KCNH1: variants seen among roughly 807,000 people sequenced by gnomAD.
KCNH1 encodes voltage-gated delayed rectifier potassium channel KCNH1.
KCNH1 carries 27 observed loss-of-function variants against 69.2 expected under a neutral mutation model. The ratio of observed to expected loss-of-function variants is 0.39; its 90% CI spans 0.29 to 0.54. The LOEUF (loss-of-function observed/expected upper bound fraction) is 0.54, where lower values mean the gene tolerates loss of function less well. Ranked by LOEUF, KCNH1 falls within the 20% of genes least tolerant of loss-of-function variation. The probability of loss-of-function intolerance (pLI) is 0.68; values close to 1 mark genes in which losing one functional copy is unlikely to be tolerated. For missense variants in KCNH1, 798 were observed against 1,261.6 expected, an observed-to-expected ratio of 0.63 and a Z score of 5.57; for synonymous variants, 456 against 487.7, an observed-to-expected ratio of 0.93 and a Z score of 0.86.
intron 6 of KCNH1, among the ~76,000 whole-genome samples, chr1:211,004,095 A>G (rs1056294274): frequency 1.3e-5 from 2 of 152,184 alleles, no homozygotes; most frequent in East Asian, 3.9e-4. Context: ...CTGTCTCAAA[A>G]AAGAAAAAAG....
intron 9 of KCNH1, among the ~76,000 whole-genome samples, chr1:210,789,981 C>T (rs1392091965): frequency 1.3e-5 from 2 of 152,066 alleles, no homozygotes; most frequent in South Asian, 2.1e-4. Context: ...GGTGTGATCA[C>T]GGTGCACTAC....
chr1:210,916,873 C>T (rs1475074677), intron 7 of KCNH1, among the ~76,000 whole-genome samples: 4 of 152,098 alleles, frequency 2.6e-5, no homozygotes, highest in African/African-American at 9.6e-5. Context: ...ATGGGCTGGG[C>T]GCAGTGGCTC....
At chr1:210,928,746 A>C (rs1687627120) in intron 6 of KCNH1, among the ~76,000 whole-genome samples, 4 of 152,142 alleles carry the variant, frequency 2.6e-5, no homozygotes, top group Admixed American at 2.0e-4. Flanking sequence ...ATGAAAAGAA[A>C]AGATGGTTCT....
intron 8 of KCNH1, 40 bp from the exon 9 acceptor site, chr1:210,797,800 T>C (rs987040365): frequency 1.3e-6 from 2 of 1,585,434 alleles, no homozygotes; most frequent in Middle Eastern, 1.7e-4. Context: ...GGGTCCTCAC[T>C]GTGGCCTTCA....
In KCNH1 at chr1:211,107,241, C is replaced by G. The variant is rs1006966810; in HGVS notation, c.203+13G>C. 1 of 1,612,462 alleles carries G rather than the reference C, an allele frequency of 6.2e-7. No individual in the cohort carries two copies. The highest frequency in any genetic ancestry group is 8.5e-7 in the Non-Finnish European group (1 of 1,179,386). Reference sequence around the variant, plus strand: ...AATAGATTGTTCACCAGAACAACTCCAAACATAAATACCTGCAGGTGCTGC... The same window carrying G: ...AATAGATTGTTCACCAGAACAACTCGAAACATAAATACCTGCAGGTGCTGC... On this transcript the variant is annotated intron_variant, in intron 2 of 10. Coordinates refer to ENST00000271751, the MANE Select transcript of KCNH1 (RefSeq NM_172362.3).
intron 7 of KCNH1, among the ~76,000 whole-genome samples, chr1:210,807,480 C>A (rs1303728611): frequency 2.6e-5 from 4 of 152,006 alleles, no homozygotes; most frequent in African/African-American, 9.7e-5. Context: ...GGCATGGTGG[C>A]ACATGCCTGT....
intron 7 of KCNH1, among the ~76,000 whole-genome samples, chr1:210,863,330 T>A (rs556518092): frequency 6.6e-6 from 1 of 152,238 alleles, no homozygotes; most frequent in Admixed American, 6.5e-5. Context: ...GGCTCTTCAT[T>A]TTACAAAAGA....
At chr1:210,835,176 TG>T (rs1685255646) in intron 7 of KCNH1, among the ~76,000 whole-genome samples, 1 of 152,186 alleles carries the variant, frequency 6.6e-6, no homozygotes, top group Non-Finnish European at 1.5e-5. Context: ...TAAAAATAAA[TG>T]GCTACATGCT....
At chr1:210,859,227 G>T in intron 7 of KCNH1, 1 of 1,612,476 alleles carries the variant, frequency 6.2e-7, no homozygotes, top group Non-Finnish European at 8.5e-7. Flanking sequence ...GGCACAACTG[G>T]AGCACTGAAT....
At chr1:211,020,358 A>T (rs2102414953) in intron 5 of KCNH1, among the ~76,000 whole-genome samples, 1 of 152,174 alleles carries the variant, frequency 6.6e-6, no homozygotes, top group African/African-American at 2.4e-5. Context: ...GAATAATCAT[A>T]TGCCAACAAA....
At chr1:211,115,443 C>A (rs1691553426) in intron 1 of KCNH1, among the ~76,000 whole-genome samples, 2 of 152,030 alleles carry the variant, frequency 1.3e-5, no homozygotes, top group Non-Finnish European at 2.9e-5. Context: ...CTGGGGAAGG[C>A]AGACCCACCC....
In KCNH1 at chr1:211,069,163, C is replaced by A. The variant is rs192740251; in HGVS notation, c.558+13617G>T. 1.9e-3 allele frequency among the ~76,000 whole-genome samples: 284 copies of A among 152,296 alleles called. 2 individuals carry two copies. Among genetic ancestry groups the A allele is most frequent in the Middle Eastern group, 0.01 (3 of 294 alleles). On this transcript the variant is annotated intron_variant, in intron 5 of 10. Transcript: ENST00000271751. ...AATACCCATCTCCAGCCAGCTCTAG[C>A]CACCCTGTCCCTGCCAAGGGGTGAG... is the stretch of plus-strand genomic sequence containing the variant.
chr1:211,025,432 T>G (rs1334485590), intron 5 of KCNH1, among the ~76,000 whole-genome samples: 2 of 152,056 alleles, frequency 1.3e-5, no homozygotes, highest in East Asian at 1.9e-4. Flanking sequence ...CTACTATGCT[T>G]GAGATTTTAA....
At chr1:211,066,113 A>T (rs1333295641) in intron 5 of KCNH1, among the ~76,000 whole-genome samples, 1 of 152,138 alleles carries the variant, frequency 6.6e-6, no homozygotes, top group African/African-American at 2.4e-5. Flanking sequence ...ATAACGAAAC[A>T]CATAAACTTT....
rs371422950 is a variant in KCNH1, at chr1:211,062,838, A to T, written c.558+19942T>A. ...CTGGTGAGGATGTGGAGGAAAGGGAATCCTCATAAACTCTTGTTAGAAATG... is the reference window on the plus strand; with the variant it reads ...CTGGTGAGGATGTGGAGGAAAGGGATTCCTCATAAACTCTTGTTAGAAATG... On this transcript the variant is annotated intron_variant, in intron 5 of 10. Transcript: ENST00000271751. Among the ~76,000 whole-genome samples the T allele has an allele frequency of 1.8e-4, 27 of 152,356 alleles. No individual in the cohort carries two copies. The East Asian group carries it at 4.6e-3, about 26-fold the overall frequency.
intron 5 of KCNH1, among the ~76,000 whole-genome samples, chr1:211,078,842 C>T (rs1484216826): frequency 6.9e-6 from 1 of 145,196 alleles, no homozygotes; most frequent in Admixed American, 7.1e-5. Context: ...GGCGTGAACC[C>T]GGGAGGCAGA....
intron 4 of KCNH1, among the ~76,000 whole-genome samples, chr1:211,089,950 C>T (rs1268550021): frequency 6.6e-6 from 1 of 152,174 alleles, no homozygotes; most frequent in Non-Finnish European, 1.5e-5. Flanking sequence ...TTTCCTGGGT[C>T]CCCCATGTTA....
chr1:211,067,538 C>A (rs1690554994), intron 5 of KCNH1, among the ~76,000 whole-genome samples: 1 of 152,198 alleles, frequency 6.6e-6, no homozygotes, highest in Non-Finnish European at 1.5e-5. Flanking sequence ...CTGCTTCCTA[C>A]CTGTTTTCAC....
chr1:210,993,461 C>T (rs1398954662), intron 6 of KCNH1, among the ~76,000 whole-genome samples: 1 of 152,180 alleles, frequency 6.6e-6, no homozygotes, highest in African/African-American at 2.4e-5. Flanking sequence ...CTGCTTCCTA[C>T]TCTAGTTCTT....
Sources: allele counts gnomAD v4.1 joint callset (sites outside exome capture counted in the v4.1 genomes callset), GRCh38; gene constraint gnomAD v4.1.1; transcripts MANE v1.5; gene names NCBI Gene and HGNC (gene_info 2026-07-23, HGNC 2026-07-21).